ABI2: variants seen among roughly 807,000 people sequenced by gnomAD.
ABI2 encodes the protein abl interactor 2.
ABI2 carries 25 observed loss-of-function variants against 59.2 expected under a neutral mutation model. That is an observed-to-expected ratio of 0.42 (90% CI 0.31 to 0.59). ABI2 has a LOEUF of 0.59. Among genes scored for constraint, ABI2 ranks in the 20% least tolerant of loss-of-function variants. ABI2 has a pLI of 0.14. For missense variants in ABI2, 545 were observed against 681.8 expected, an observed-to-expected ratio of 0.80 and a Z score of 2.23; for synonymous variants, 213 against 235.5, an observed-to-expected ratio of 0.90 and a Z score of 0.87.
At chr2:203,393,532 T>G (rs568709119) in intron 5 of ABI2, among the ~76,000 whole-genome samples, 2 of 152,356 alleles carry the variant, frequency 1.3e-5, no homozygotes, top group African/African-American at 4.8e-5. Context: ...GACCCAAGAT[T>G]TCATCCAGTG....
intron 6 of ABI2, among the ~76,000 whole-genome samples, chr2:203,395,454 C>T (rs199626636): frequency 0.022 from 1,686 of 76,210 alleles, 34 homozygotes; most frequent in African/African-American, 0.052. Context: ...TATATACACA[C>T]ACACACACAC....
rs139291552 is a variant in ABI2 at position 203,391,080 on chromosome 2, C to T, written c.515C>T (p.Pro172Leu). The T allele has an allele frequency of 4.7e-5, 76 of 1,613,832 alleles. No homozygotes were observed. Among genetic ancestry groups the T allele is most frequent in the Middle Eastern group, 1.7e-4 (1 of 6,060 alleles). ...CAGAACATGAAGATGGGTGGGCTGC[C>T]GCGTACAACACCTCCAACTCAGAAG... ...STQNMKMGGLPRTTPPTQKPP... is the reference protein window; with the variant it reads ...STQNMKMGGLLRTTPPTQKPP... The change falls in exon 5 of 12, where the codon CCG becomes CTG. Residue 172 changes from proline to leucine, a missense_variant. Around this residue, in one of 4 missense-constraint regions of ABI2, gnomAD observed 410 missense variants for 435.6 expected, o/e 0.94. Transcript: ENST00000261018.
In ABI2 at chr2:203,395,793, T is replaced by C; in HGVS notation, c.850+13T>C. 6.3e-7 allele frequency: 1 copy of C among 1,581,216 alleles called. No individual in the cohort carries two copies. The highest frequency in any genetic ancestry group is 8.6e-7 in the Non-Finnish European group (1 of 1,163,344). ...AGTGTCTTTCCAGGTAAAACATTCATGGTGCCTCGTCTTCACTTTTCCTTT... is the reference window on the plus strand; with the variant it reads ...AGTGTCTTTCCAGGTAAAACATTCACGGTGCCTCGTCTTCACTTTTCCTTT... On this transcript the variant is annotated intron_variant, in intron 7 of 11. Transcript: ENST00000261018.
intron 2 of ABI2, among the ~76,000 whole-genome samples, chr2:203,378,269 T>A (rs552071466): frequency 2.0e-5 from 3 of 152,016 alleles, no homozygotes; most frequent in African/African-American, 7.2e-5. Flanking sequence ...CCCGCCACCA[T>A]GCCCGGCTAA....
At chr2:203,351,652 C>G (rs1320233952) in intron 1 of ABI2, 2 of 404,306 alleles carry the variant, frequency 4.9e-6, no homozygotes, top group East Asian at 1.6e-4. Context: ...CATCCTGCCT[C>G]AGTCTCTCAG....
chr2:203,385,649 A>G (rs1401718174), intron 4 of ABI2, among the ~76,000 whole-genome samples: 3 of 152,228 alleles, frequency 2.0e-5, no homozygotes, highest in Non-Finnish European at 4.4e-5. Flanking sequence ...TTTCAGGTAC[A>G]GTTGAAGGTA....
rs1234664551 is a variant in ABI2 at position 203,357,448 on chromosome 2, C to T, written c.118-9429C>T. 5.9e-5 allele frequency among the ~76,000 whole-genome samples: 9 copies of T among 152,296 alleles called. No individual in the cohort carries two copies. In the East Asian group the frequency reaches 1.5e-3, roughly 26 times the overall value. ...AGTCAACCACAAATGTAGCAAATACCTAGGTGACTTTATGTTCTGAATCTC... is the reference window on the plus strand; with the variant it reads ...AGTCAACCACAAATGTAGCAAATACTTAGGTGACTTTATGTTCTGAATCTC... On this transcript the variant is annotated intron_variant, in intron 1 of 11. Transcript: ENST00000261018.
At chr2:203,350,032 A>G (rs1310995368) in intron 1 of ABI2, among the ~76,000 whole-genome samples, 1 of 152,060 alleles carries the variant, frequency 6.6e-6, no homozygotes, top group Non-Finnish European at 1.5e-5. Flanking sequence ...TGAGCGTTCC[A>G]GTTTCTCCAC....
intron 4 of ABI2, among the ~76,000 whole-genome samples, chr2:203,383,941 G>T (rs958824886): frequency 3.3e-5 from 5 of 151,738 alleles, no homozygotes; most frequent in African/African-American, 9.7e-5. Flanking sequence ...ATACTTTTCA[G>T]ACAGTCTCCA....
At chr2:203,354,090 G>T (rs1024810761) in intron 1 of ABI2, among the ~76,000 whole-genome samples, 1 of 151,984 alleles carries the variant, frequency 6.6e-6, no homozygotes. Flanking sequence ...TGTCGCCCAG[G>T]TTGGAGTGCG....
rs567469182 is a variant in ABI2 at position 203,355,051 on chromosome 2, G to T, written c.118-11826G>T. The T allele has an allele frequency of 9.1e-5, 24 of 263,428 alleles. No homozygotes were observed. The South Asian group carries it at 9.4e-4, about 10-fold the overall frequency. The allele number at this position is 263,428 out of a possible 1,614,324, so 16.3% of individuals were successfully genotyped here. A position where few individuals can be genotyped will look rare whatever the true frequency, so the allele number is the denominator to read the frequency against. On this transcript the variant is annotated intron_variant, in intron 1 of 11. Coordinates refer to ENST00000261018, the MANE Select transcript of ABI2 (RefSeq NM_001375670.1). ...TCTGGATTGTTAACGTTTTAGTCCT[G>T]CTTCTCAGCTGCATCTCAGAAGTTT... is the stretch of plus-strand genomic sequence containing the variant.
At chr2:203,380,527 A>C (rs2096050947) in intron 3 of ABI2, 143 bp downstream of exon 3, 3 of 486,472 alleles carry the variant, frequency 6.2e-6, no homozygotes, top group Non-Finnish European at 6.9e-6. Flanking sequence ...CCTTGCTACT[A>C]TAACTGTTTT....
In ABI2 at chr2:203,430,470, A is replaced by G. The variant is rs2098474401; in HGVS notation, c.*3118A>G. The G allele has an allele frequency of 1.3e-5, 2 of 152,258 alleles. No homozygotes were observed. Among genetic ancestry groups the G allele is most frequent in the South Asian group, 4.1e-4 (2 of 4,830 alleles). 9.4% of individuals were successfully genotyped at this position (152,258 alleles called of 1,614,324 possible). On this transcript the variant is annotated 3_prime_UTR_variant, in exon 12 of 12. Transcript: ENST00000261018. ...TCGAAAGTCCATGGTGGTATTAATG[A>G]AAGTACACTTTATTGTTGCCTTTGA...
rs952328119 is a variant in ABI2, at chr2:203,329,684, C to CT, written c.117+1064dup. Reference sequence around the variant, plus strand: ...ATATGTTAAACTGTTTCTTCACAGTCTTTTTTTTTTTCCTTTTTTCTTGCT... The same window carrying CT: ...ATATGTTAAACTGTTTCTTCACAGTCTTTTTTTTTTTTCCTTTTTTCTTGCT... On this transcript the variant is annotated intron_variant, in intron 1 of 11. Transcript: ENST00000261018. Among the ~76,000 whole-genome samples, 456 of 145,162 alleles carry CT rather than the reference C, an allele frequency of 3.1e-3. 2 individuals carry two copies. The highest frequency in any genetic ancestry group is 7.7e-3 in the African/African-American group (307 of 39,692).
At chr2:203,375,639 T>C (rs2095630786) in intron 2 of ABI2, among the ~76,000 whole-genome samples, 1 of 152,228 alleles carries the variant, frequency 6.6e-6, no homozygotes, top group African/African-American at 2.4e-5. Context: ...GGAGCTTTCC[T>C]AAATTTCTTT....
chr2:203,330,833 A>G (rs2072782263), intron 1 of ABI2, among the ~76,000 whole-genome samples: 1 of 152,206 alleles, frequency 6.6e-6, no homozygotes, highest in Non-Finnish European at 1.5e-5. Flanking sequence ...TATAATTGCT[A>G]TATAAAGGTA....
At chr2:203,335,771 A>G (rs187550612) in intron 1 of ABI2, among the ~76,000 whole-genome samples, 2 of 152,286 alleles carry the variant, frequency 1.3e-5, no homozygotes, top group Admixed American at 1.3e-4. Context: ...CTTTGTTTTG[A>G]ATCATTTACA....
chr2:203,378,356 C>T (rs1219111022), intron 2 of ABI2, among the ~76,000 whole-genome samples: 2 of 152,170 alleles, frequency 1.3e-5, no homozygotes. Flanking sequence ...TGTGATCCGC[C>T]CACCTTGGCC....
At chr2:203,389,831 G>A (rs2096669979) in intron 4 of ABI2, among the ~76,000 whole-genome samples, 1 of 152,102 alleles carries the variant, frequency 6.6e-6, no homozygotes, top group South Asian at 2.1e-4. Context: ...AGATAGCCAG[G>A]GCTTTCTGTA....
Sources: gnomAD v4.1 joint callset for allele counts (sites outside exome capture counted in the v4.1 genomes callset) on GRCh38, gnomAD v4.1.1 for gene constraint, gnomAD v4.1.1 regional missense constraint, MANE v1.5 for transcripts, NCBI Gene and HGNC (gene_info 2026-07-23, HGNC 2026-07-21) for gene names.